Variants in HMGA2 observed in about 807,000 individuals in gnomAD.
HMGA2 encodes high mobility group AT-hook 2.
Under a neutral mutation model 19.1 loss-of-function variants are expected in HMGA2, and 8 were observed. That is an observed-to-expected ratio of 0.42 (90% confidence interval 0.25 to 0.76). The LOEUF (loss-of-function observed/expected upper bound fraction) is 0.76. Among genes scored for constraint, HMGA2 ranks in the 30% least tolerant of loss-of-function variants. The pLI is 0.28. For synonymous variants in HMGA2, 60 were observed against 48.8 expected, an observed-to-expected ratio of 1.23 and a Z score of -0.96; for missense variants, 109 against 136.3, an observed-to-expected ratio of 0.80 and a Z score of 1.00.
intron 3 of HMGA2, among the ~76,000 whole-genome samples, chr12:65,864,808 G>T (rs1383128613): frequency 2.0e-5 from 3 of 152,114 alleles, no homozygotes; most frequent in African/African-American, 7.2e-5. Context: ...ACTATGATTA[G>T]AAATATTTTG....
intron 3 of HMGA2, chr12:65,873,828 A>T (rs1038067453): frequency 2.6e-5 from 4 of 152,244 alleles, no homozygotes; most frequent in Non-Finnish European, 1.5e-5. Flanking sequence ...TAATGGCAGA[A>T]TCATTTATTA....
In HMGA2 at chr12:65,928,319, T is replaced by C. The variant is rs112356597; in HGVS notation, c.250-23064T>C. Among the ~76,000 whole-genome samples the C allele has an allele frequency of 8.7e-3, 1,327 of 152,300 alleles. 22 individuals carry two copies. The highest frequency in any genetic ancestry group is 0.03 in the African/African-American group (1,240 of 41,574). On this transcript the variant is annotated intron_variant, in intron 3 of 4. Coordinates refer to ENST00000403681, the MANE Select transcript of HMGA2 (RefSeq NM_003483.6). ...AAGATTTTAAAATGGTACACCTGTA[T>C]AGGGCACTTACCATGGATGGAAATT...
At chr12:65,838,392 A>C in intron 2 of HMGA2, 127 bp from the exon 3 acceptor site, 1 of 692,886 alleles carries the variant, frequency 1.4e-6, no homozygotes, top group Non-Finnish European at 2.4e-6. Context: ...GTTAAAAAAA[A>C]CAAAAAAAAA....
intron 4 of HMGA2, chr12:65,953,885 C>T (rs955072005): frequency 6.6e-6 from 1 of 152,164 alleles, no homozygotes; most frequent in African/African-American, 2.4e-5. Context: ...TTTCAAAATA[C>T]CCTCCCAGAT....
intron 3 of HMGA2, chr12:65,881,949 G>A (rs1335838700): frequency 2.9e-6 from 2 of 700,686 alleles, no homozygotes; most frequent in South Asian, 3.0e-5. Flanking sequence ...CAATTGCGGG[G>A]GTTCCTCCGT....
At chr12:65,878,229 TG>T (rs1418190383) in intron 3 of HMGA2, among the ~76,000 whole-genome samples, 2 of 152,244 alleles carry the variant, frequency 1.3e-5, no homozygotes, top group African/African-American at 2.4e-5. Context: ...TCTTGTAGAA[TG>T]AGGATGCATA....
chr12:65,963,176 A>G (rs1455172234), intron 4 of HMGA2, 69 bp from the exon 5 acceptor site: 2 of 1,433,672 alleles, frequency 1.4e-6, no homozygotes, highest in Non-Finnish European at 2.0e-6. Context: ...TTACCTCTGC[A>G]CTGTTGGCAA....
intron 3 of HMGA2, chr12:65,867,550 T>C (rs1359874533): frequency 6.6e-6 from 3 of 451,260 alleles, no homozygotes; most frequent in Non-Finnish European, 1.3e-5. Context: ...CGTATCCTCA[T>C]GATACTGACA....
intron 3 of HMGA2, chr12:65,866,896 G>A: frequency 2.2e-6 from 1 of 457,076 alleles, no homozygotes; most frequent in Non-Finnish European, 4.4e-6. Context: ...TTTTCCTTCT[G>A]CTGCCATTTT....
intron 3 of HMGA2, among the ~76,000 whole-genome samples, chr12:65,880,117 A>C (rs1388517318): frequency 6.6e-6 from 1 of 152,262 alleles, no homozygotes; most frequent in Non-Finnish European, 1.5e-5. Context: ...CCACTTGCAC[A>C]TTCTGAAATC....
chr12:65,866,926 A>G, intron 3 of HMGA2: 3 of 456,908 alleles, frequency 6.6e-6, no homozygotes, highest in Non-Finnish European at 1.3e-5. Context: ...TGCTGTCAAG[A>G]TAGGAACATG....
chr12:65,922,736 C>T (rs1285150000), intron 3 of HMGA2, among the ~76,000 whole-genome samples: 1 of 152,126 alleles, frequency 6.6e-6, no homozygotes, highest in African/African-American at 2.4e-5. Flanking sequence ...TGTGTCCCCA[C>T]CCAATGTCAA....
chr12:65,852,481 T>A (rs1353999642), intron 3 of HMGA2, among the ~76,000 whole-genome samples: 1 of 152,092 alleles, frequency 6.6e-6, no homozygotes, highest in East Asian at 1.9e-4. Flanking sequence ...CTGGCCTGGG[T>A]GACAGAGCGA....
intron 3 of HMGA2, among the ~76,000 whole-genome samples, chr12:65,864,248 A>T (rs1471507474): frequency 6.6e-6 from 1 of 151,946 alleles, no homozygotes; most frequent in African/African-American, 2.4e-5. Flanking sequence ...CCTAATTCAT[A>T]AAAAAAACAC....
At position 65,951,433 on chromosome 12, in the gene HMGA2, A is replaced by AT. The variant is rs1384911884; in HGVS notation, c.282+25dup. On this transcript the variant is annotated intron_variant, in intron 4 of 4. Coordinates refer to ENST00000403681, the MANE Select transcript of HMGA2 (RefSeq NM_003483.6). ...CTGCTCAGGTAAGACATAGTCATTA[A>AT]TTTTTTTCTCCCAATTAATATAAAA... 2 of 1,486,948 alleles carry AT rather than the reference A, an allele frequency of 1.3e-6. No individual in the cohort carries two copies. Among genetic ancestry groups the AT allele is most frequent in the Non-Finnish European group, 1.8e-6 (2 of 1,090,482 alleles). The allele number at this position is 1,486,948 out of a possible 1,614,324, so 92.1% of individuals were successfully genotyped here.
At chr12:65,933,508 A>G (rs1401601328) in intron 3 of HMGA2, among the ~76,000 whole-genome samples, 2 of 152,200 alleles carry the variant, frequency 1.3e-5, no homozygotes, top group Non-Finnish European at 2.9e-5. Context: ...TGCATTTCTT[A>G]TGAAATCCAC....
chr12:65,852,486 G>C (rs535204400), intron 3 of HMGA2, among the ~76,000 whole-genome samples: 3 of 152,126 alleles, frequency 2.0e-5, no homozygotes, highest in African/African-American at 7.2e-5. Context: ...CTGGGTGACA[G>C]AGCGAGACTC....
intron 3 of HMGA2, chr12:65,874,225 C>G (rs1011650514): frequency 1.3e-5 from 2 of 150,596 alleles, no homozygotes; most frequent in Non-Finnish European, 3.0e-5. Context: ...GTTTTATAAA[C>G]TTAAAATGTA....
intron 3 of HMGA2, among the ~76,000 whole-genome samples, chr12:65,878,963 C>T (rs1016038366): frequency 1.8e-4 from 27 of 152,116 alleles, no homozygotes; most frequent in South Asian, 2.1e-4. Context: ...TTTCTTGCTT[C>T]GAATGTTGTC....
Sources: gnomAD v4.1 joint callset for allele counts (sites outside exome capture counted in the v4.1 genomes callset) on GRCh38, gnomAD v4.1.1 for gene constraint, MANE v1.5 for transcripts, NCBI Gene and HGNC (gene_info 2026-07-23, HGNC 2026-07-21) for gene names.